MAST4: variants seen among roughly 807,000 people sequenced by gnomAD.
MAST4 encodes microtubule-associated serine/threonine-protein kinase 4.
Under a neutral mutation model 162.7 loss-of-function variants are expected in MAST4, and 89 were observed. The observed-to-expected ratio is 0.55, with a 90% CI of 0.46 to 0.65. MAST4 has a LOEUF of 0.65. MAST4 is among the 30% of genes least tolerant of loss of function. MAST4 has a pLI of 0.00. For missense variants in MAST4, 3,153 were observed against 3,374.0 expected, an observed-to-expected ratio of 0.93 and a Z score of 1.62; for synonymous variants, 1,479 against 1,361.1, an observed-to-expected ratio of 1.09 and a Z score of -1.91.
rs577693844 is a variant in MAST4 at position 67,057,865 on chromosome 5, T to C, written c.763+3373T>C. 4.0e-5 allele frequency among the ~76,000 whole-genome samples: 6 copies of C among 149,046 alleles called. No homozygotes were observed. In the South Asian group the frequency reaches 1.3e-3, roughly 32 times the overall value. ...AATGGTGAATGCACCAATAGAAAAA[T>C]GGGCAAAAGGTGCAAATAGCATGAC... On this transcript the variant is annotated intron_variant, in intron 5 of 28. Transcript: ENST00000403625.
At chr5:66,897,490 C>T (rs1762760448) in intron 3 of MAST4, among the ~76,000 whole-genome samples, 1 of 152,352 alleles carries the variant, frequency 6.6e-6, no homozygotes, top group Admixed American at 6.5e-5. Flanking sequence ...CTTAGCCCTC[C>T]TGGTATTTGC....
intron 1 of MAST4, among the ~76,000 whole-genome samples, chr5:66,658,991 C>T (rs6890946): frequency 0.28 from 42,847 of 152,034 alleles, 6,185 homozygotes; most frequent in African/African-American, 0.31. Flanking sequence ...CACTGCACTC[C>T]AGCCTGAGCG....
chr5:66,738,154 T>A (rs1222188768), intron 1 of MAST4: 1 of 152,202 alleles, frequency 6.6e-6, no homozygotes, highest in Non-Finnish European at 1.5e-5. Flanking sequence ...GTGCTTTATA[T>A]CCATTGTGAG....
chr5:66,712,756 A>G (rs1057343109), intron 1 of MAST4, among the ~76,000 whole-genome samples: 1 of 152,230 alleles, frequency 6.6e-6, no homozygotes, highest in African/African-American at 2.4e-5. Flanking sequence ...TTAGAAGGAA[A>G]AAATAAACCC....
intron 3 of MAST4, among the ~76,000 whole-genome samples, chr5:66,873,931 A>G (rs1472305989): frequency 6.6e-6 from 1 of 152,130 alleles, no homozygotes; most frequent in African/African-American, 2.4e-5. Flanking sequence ...CTTTAAAGCT[A>G]TAGGGAAAAT....
In MAST4 at chr5:67,165,048, C is replaced by T. The variant is rs1247760424; in HGVS notation, c.5869C>T (p.Leu1957Phe). The change falls in exon 29 of 29, where the codon CTC becomes TTC. Residue 1957 changes from leucine (L) to phenylalanine (F), a missense_variant. By Grantham distance (22) the Leu-to-Phe change is conservative. Coordinates refer to ENST00000403625, the MANE Select transcript of MAST4 (RefSeq NM_001164664.2). ...SPDLARPRCP[L>F]PPEASPSREK... ...TGACCTGGCCAGGCCACGCTGCCCGCTCCCACCTGAAGCTTCCCCCTCAAG... is the reference window on the plus strand; with the variant it reads ...TGACCTGGCCAGGCCACGCTGCCCGTTCCCACCTGAAGCTTCCCCCTCAAG... 1.9e-6 allele frequency: 3 copies of T among 1,606,816 alleles called. No individual in the cohort carries two copies. The highest frequency in any genetic ancestry group is 2.5e-6 in the Non-Finnish European group (3 of 1,176,590).
intron 12 of MAST4, chr5:67,114,476 G>A: frequency 5.0e-6 from 2 of 403,704 alleles, no homozygotes; most frequent in Non-Finnish European, 8.8e-6. Context: ...GCCTGAGAAT[G>A]CCAGAGTGTC....
At chr5:67,138,243 G>T (rs2151019657) in intron 19 of MAST4, among the ~76,000 whole-genome samples, 1 of 152,306 alleles carries the variant, frequency 6.6e-6, no homozygotes, top group African/African-American at 2.4e-5. Context: ...GAGGCATTCT[G>T]CTGGATGGCT....
chr5:67,166,100 G>A lies in MAST4; in HGVS notation c.6921G>A (p.Pro2307=), dbSNP rs989050216. The change falls in exon 29 of 29, where the codon CCG becomes CCA. Residue 2307 remains proline, a synonymous_variant. Coordinates refer to ENST00000403625, the MANE Select transcript of MAST4 (RefSeq NM_001164664.2). ...VLEKPVHLPR[P]GHPGPSEPAD... Reference sequence around the variant, plus strand: ...AGAAGCCTGTGCATTTGCCAAGGCCGGGACACCCAGGGCCTAGTGAGCCAG... The same window carrying A: ...AGAAGCCTGTGCATTTGCCAAGGCCAGGACACCCAGGGCCTAGTGAGCCAG... 6.2e-7 allele frequency: 1 copy of A among 1,611,416 alleles called. No individual in the cohort carries two copies. Among genetic ancestry groups the A allele is most frequent in the Non-Finnish European group, 8.5e-7 (1 of 1,178,714 alleles).
chr5:67,166,104 C>A lies in MAST4; in HGVS notation c.6925C>A (p.His2309Asn). The change falls in exon 29 of 29, where the codon CAC (histidine) becomes AAC (asparagine). Residue 2309 changes from histidine to asparagine, a missense_variant. This residue lies in a region of MAST4 where 1,644 missense variants were observed against 1,495.0 expected (regional missense o/e 1.10). Coordinates refer to ENST00000403625, the MANE Select transcript of MAST4 (RefSeq NM_001164664.2). Reference protein sequence around the residue: ...EKPVHLPRPGHPGPSEPADQK... With the variant: ...EKPVHLPRPGNPGPSEPADQK... ...GCCTGTGCATTTGCCAAGGCCGGGACACCCAGGGCCTAGTGAGCCAGCGGA... is the reference window on the plus strand; with the variant it reads ...GCCTGTGCATTTGCCAAGGCCGGGAAACCCAGGGCCTAGTGAGCCAGCGGA... 3 of 1,611,298 alleles carry A rather than the reference C, an allele frequency of 1.9e-6. No homozygotes were observed. The highest frequency in any genetic ancestry group is 2.5e-6 in the Non-Finnish European group (3 of 1,178,660).
At chr5:66,817,413 C>A (rs559551179) in intron 3 of MAST4, among the ~76,000 whole-genome samples, 1 of 152,220 alleles carries the variant, frequency 6.6e-6, no homozygotes, top group Non-Finnish European at 1.5e-5. Context: ...AGAATATGTT[C>A]TGTTGTGTGG....
intron 3 of MAST4, among the ~76,000 whole-genome samples, chr5:66,849,768 G>A (rs1451285944): frequency 1.3e-5 from 2 of 152,202 alleles, no homozygotes; most frequent in African/African-American, 4.8e-5. Context: ...TTCAAGGGCT[G>A]GAGTTAGCAG....
chr5:67,143,324 A>G (rs1418280539), intron 21 of MAST4, among the ~76,000 whole-genome samples: 1 of 152,084 alleles, frequency 6.6e-6, no homozygotes, highest in Non-Finnish European at 1.5e-5. Flanking sequence ...ATTATAAGCC[A>G]TATTGAAAAG....
chr5:66,954,111 G>A (rs377558239), intron 4 of MAST4, among the ~76,000 whole-genome samples: 49 of 152,110 alleles, frequency 3.2e-4, no homozygotes, highest in East Asian at 1.7e-3. Flanking sequence ...CAGTCATATC[G>A]AAGTACTGTG....
chr5:66,940,788 T>G lies in MAST4; in HGVS notation c.674+40806T>G, dbSNP rs1253616890. Among the ~76,000 whole-genome samples the G allele has an allele frequency of 2.6e-5, 4 of 152,140 alleles. No homozygotes were observed. In the East Asian group the frequency reaches 5.8e-4, roughly 22 times the overall value. On this transcript the variant is annotated intron_variant, in intron 4 of 28. Transcript: ENST00000403625. ...TATGACCTTTTTAGAAGGTTTTCAA[T>G]GTACTTTGCCCAGATCCATTAGAGG...
intron 2 of MAST4, among the ~76,000 whole-genome samples, chr5:66,779,931 T>C (rs941087887): frequency 3.3e-5 from 5 of 152,206 alleles, no homozygotes; most frequent in African/African-American, 1.2e-4. Context: ...AAGTATAATT[T>C]GCAAAAGCAA....
At chr5:67,063,057 C>T (rs943558446) in intron 5 of MAST4, among the ~76,000 whole-genome samples, 1 of 152,152 alleles carries the variant, frequency 6.6e-6, no homozygotes, top group African/African-American at 2.4e-5. Context: ...TGTGTATGTC[C>T]AAGCTATATC....
At chr5:67,136,308 T>A (rs145036683) in intron 18 of MAST4, among the ~76,000 whole-genome samples, 49 of 152,348 alleles carry the variant, frequency 3.2e-4, no homozygotes, top group African/African-American at 1.2e-3. Context: ...AAATTAAAGA[T>A]CTGCTTATTG....
At chr5:66,939,763 A>G (rs920789583) in intron 4 of MAST4, among the ~76,000 whole-genome samples, 4 of 151,562 alleles carry the variant, frequency 2.6e-5, no homozygotes, top group African/African-American at 7.3e-5. Context: ...TTTTTTCCCC[A>G]GACCACTGCC....
Sources: allele counts gnomAD v4.1 joint callset (sites outside exome capture counted in the v4.1 genomes callset), GRCh38; gene constraint gnomAD v4.1.1; regional missense constraint gnomAD v4.1.1; transcripts MANE v1.5; gene names NCBI Gene and HGNC (gene_info 2026-07-23, HGNC 2026-07-21).